The following PCDHGA12 variants were observed in gnomAD, a reference collection of about 807,000 sequenced individuals.
The protein encoded by PCDHGA12 is protocadherin gamma-A12.
In PCDHGA12, 43 loss-of-function variants were observed where a neutral mutation model predicts 61.1. The observed-to-expected ratio is 0.70, with a 90% CI of 0.55 to 0.91. The LOEUF is 0.91. Ranked by LOEUF, PCDHGA12 falls within the 40% of genes least tolerant of loss-of-function variation. The pLI is 0.00. For missense variants in PCDHGA12, 1,236 were observed against 1,227.7 expected, an observed-to-expected ratio of 1.01 and a Z score of -0.10; for synonymous variants, 520 against 542.9, an observed-to-expected ratio of 0.96 and a Z score of 0.59.
At position 141,489,774 on chromosome 5, in the gene PCDHGA12, C is replaced by T; in HGVS notation, c.2425-5033C>T. The T allele has an allele frequency of 1.2e-6, 2 of 1,614,164 alleles. No homozygotes were observed. Among genetic ancestry groups the T allele is most frequent in the Non-Finnish European group, 8.5e-7 (1 of 1,179,998 alleles). On this transcript the variant is annotated intron_variant, in intron 1 of 3. Transcript: ENST00000252085. The surrounding 1 kb of genome is among the most constrained non-coding windows in gnomAD (Gnocchi z 4.5). The stretch of plus-strand genomic sequence containing the variant: ...ACACTCTAAGCCCCAACAGCCACTT[C>T]TCTCTGAATGTGAAGACCCTAAAAG...
In PCDHGA12 at chr5:141,477,868, C is replaced by A; in HGVS notation, c.2425-16939C>A. The A allele has an allele frequency of 6.2e-7, 1 of 1,613,750 alleles. No homozygotes were observed. Among genetic ancestry groups the A allele is most frequent in the Non-Finnish European group, 8.5e-7 (1 of 1,179,908 alleles). ...CGGTGGAGATGCTGCCTCGAGGTAC[C>A]TCAGCTGGCCACCTAGTGTCACGGG... On this transcript the variant is annotated intron_variant, in intron 1 of 3. Coordinates refer to ENST00000252085, the MANE Select transcript of PCDHGA12 (RefSeq NM_003735.3). The surrounding 1 kb of genome is among the most constrained non-coding windows in gnomAD (Gnocchi z 4.9).
chr5:141,506,435 G>T (rs1470687416), intron 3 of PCDHGA12, among the ~76,000 whole-genome samples: 1 of 126,234 alleles, frequency 7.9e-6, no homozygotes, highest in Non-Finnish European at 1.6e-5. Context: ...CAACAGTCTC[G>T]CTCTGTCTCA....
intron 1 of PCDHGA12, among the ~76,000 whole-genome samples, chr5:141,456,381 G>T (rs1296419395): frequency 6.6e-6 from 1 of 152,110 alleles, no homozygotes; most frequent in Admixed American, 6.6e-5. Context: ...TTACAGCACC[G>T]TTTGGAGTTT....
chr5:141,477,710 GA>G lies in PCDHGA12; in HGVS notation c.2425-17095del. ...GCCCCTAGACTATGAGGATCGGCGG[GA>G]ATTTGAATTAACAGCTCATATCAGC... On this transcript the variant is annotated intron_variant, in intron 1 of 3. Coordinates refer to ENST00000252085, the MANE Select transcript of PCDHGA12 (RefSeq NM_003735.3). This position sits in a 1 kb window ranked among gnomAD's most constrained non-coding sequence, Gnocchi z 4.9. 2 of 1,613,918 alleles carry G rather than the reference GA, an allele frequency of 1.2e-6. No individual in the cohort carries two copies. Among genetic ancestry groups the G allele is most frequent in the Non-Finnish European group, 1.7e-6 (2 of 1,180,044 alleles).
At chr5:141,500,223 T>TATTG (rs1554186512) in intron 2 of PCDHGA12, among the ~76,000 whole-genome samples, 5 of 145,410 alleles carry the variant, frequency 3.4e-5, no homozygotes, top group African/African-American at 5.2e-5. Context: ...TTTATTTATT[T>TATTG]ATTGATACGT....
intron 1 of PCDHGA12, among the ~76,000 whole-genome samples, chr5:141,454,924 C>T (rs1252057038): frequency 6.7e-6 from 1 of 149,858 alleles, no homozygotes; most frequent in Non-Finnish European, 1.5e-5. Context: ...TCTCCTGCCT[C>T]AGCCTCCCGA....
intron 1 of PCDHGA12, among the ~76,000 whole-genome samples, chr5:141,446,882 G>A (rs1419213225): frequency 1.3e-5 from 2 of 152,086 alleles, no homozygotes; most frequent in African/African-American, 4.8e-5. Flanking sequence ...TATGTTTTGG[G>A]GTTCATGGCT....
chr5:141,462,007 G>C (rs2099028604), intron 1 of PCDHGA12, among the ~76,000 whole-genome samples: 1 of 152,188 alleles, frequency 6.6e-6, no homozygotes, highest in South Asian at 2.1e-4. Context: ...ATTTTTAATA[G>C]AGACGGGGTT....
chr5:141,430,952 C>T lies in PCDHGA12; in HGVS notation c.193C>T (p.Arg65Cys). ...CCGGGAGCTCGCGGAGCGCGGAGTC[C>T]GCATCATCCCCAGAGGTAGGACGCA... ...EPRELAERGV[R>C]IIPRGRTQLF... The change falls in exon 1 of 4, where the codon CGC (arginine) becomes TGC (cysteine). Residue 65 changes from arginine (R) to cysteine (C), a missense_variant. Arg to Cys is a radical substitution (Grantham distance 180). Coordinates refer to ENST00000252085, the MANE Select transcript of PCDHGA12 (RefSeq NM_003735.3). 1.2e-6 allele frequency: 2 copies of T among 1,610,382 alleles called. No homozygotes were observed. The highest frequency in any genetic ancestry group is 1.7e-6 in the Non-Finnish European group (2 of 1,178,566).
rs2099404773 is a variant in PCDHGA12 at position 141,477,081 on chromosome 5, T to C, written c.2425-17726T>C. ...GACACCAAACTCCATGAGATTTACA[T>C]CCAGGCCAAAGACAAGGGCGCCAAT... On this transcript the variant is annotated intron_variant, in intron 1 of 3. Transcript: ENST00000252085. The surrounding 1 kb of genome is among the most constrained non-coding windows in gnomAD (Gnocchi z 4.9). 6.2e-7 allele frequency: 1 copy of C among 1,614,104 alleles called. No individual in the cohort carries two copies. Among genetic ancestry groups the C allele is most frequent in the Non-Finnish European group, 8.5e-7 (1 of 1,180,052 alleles).
At chr5:141,445,751 G>A (rs1211416281) in intron 1 of PCDHGA12, among the ~76,000 whole-genome samples, 1 of 152,102 alleles carries the variant, frequency 6.6e-6, no homozygotes, top group East Asian at 1.9e-4. Context: ...AAAAATAAAA[G>A]GTGTGACTCA....
chr5:141,432,560 A>C lies in PCDHGA12; in HGVS notation c.1801A>C (p.Asn601His). The C allele has an allele frequency of 2.5e-6, 4 of 1,613,600 alleles. No individual in the cohort carries two copies. Among genetic ancestry groups the C allele is most frequent in the Non-Finnish European group, 3.4e-6 (4 of 1,179,962 alleles). ...VVAVDRDSGQ[N>H]AWLSYRLLKA... ...GGCGGTGGACAGAGACTCCGGCCAG[A>C]ACGCCTGGCTGTCCTACCGTCTGCT... Residue 601 changes from asparagine (N) to histidine (H), a missense_variant, in exon 1 of 4, where the codon AAC (asparagine) becomes CAC (histidine). Physicochemically the swap from Asn to His is moderately conservative, Grantham distance 68 (BLOSUM62 1). Transcript: ENST00000252085. The surrounding 1 kb of genome is among the most constrained non-coding windows in gnomAD (Gnocchi z 6.0).
chr5:141,438,635 T>C (rs1325567714), intron 1 of PCDHGA12, among the ~76,000 whole-genome samples: 9 of 33,420 alleles, frequency 2.7e-4, no homozygotes, highest in East Asian at 1.8e-3. Flanking sequence ...TATATATATA[T>C]ACACACACAC....
chr5:141,486,011 T>C lies in PCDHGA12; in HGVS notation c.2425-8796T>C. The C allele has an allele frequency of 6.2e-7, 1 of 1,614,188 alleles. No individual in the cohort carries two copies. Among genetic ancestry groups the C allele is most frequent in the Non-Finnish European group, 8.5e-7 (1 of 1,180,014 alleles). ...GGGTCCCAGTGGTAACGTCACCTTTTATTTCAGTGGTCATACCCCTGATCG... is the reference window on the plus strand; with the variant it reads ...GGGTCCCAGTGGTAACGTCACCTTTCATTTCAGTGGTCATACCCCTGATCG... On this transcript the variant is annotated intron_variant, in intron 1 of 3. Coordinates refer to ENST00000252085, the MANE Select transcript of PCDHGA12 (RefSeq NM_003735.3). This position sits in a 1 kb window ranked among gnomAD's most constrained non-coding sequence, Gnocchi z 5.0.
rs1387152450 is a variant in PCDHGA12 at position 141,487,754 on chromosome 5, G to A, written c.2425-7053G>A. The A allele has an allele frequency of 1.3e-6, 2 of 1,552,036 alleles. No individual in the cohort carries two copies. Among genetic ancestry groups the A allele is most frequent in the Admixed American group, 3.9e-5 (2 of 50,970 alleles). ...CATTTTTGTAAGAGGTAACTATGTG[G>A]TAGACGCTGTGCTTTGTAACTGTTT... On this transcript the variant is annotated intron_variant, in intron 1 of 3. Transcript: ENST00000252085. This position sits in a 1 kb window ranked among gnomAD's most constrained non-coding sequence, Gnocchi z 5.0.
Position 141,476,075 on chromosome 5 carries a change from G to T in PCDHGA12, c.2425-18732G>T. ...TGAAAGTTTCTCAGCGAAATCTCAG[G>T]GACGATCTGGACCCCGCTGAGAGGA... On this transcript the variant is annotated intron_variant, in intron 1 of 3. Coordinates refer to ENST00000252085, the MANE Select transcript of PCDHGA12 (RefSeq NM_003735.3). This position sits in a 1 kb window ranked among gnomAD's most constrained non-coding sequence, Gnocchi z 7.6. The T allele has an allele frequency of 6.6e-7, 1 of 1,526,282 alleles. No homozygotes were observed. The highest frequency in any genetic ancestry group is 1.3e-5 in the South Asian group (1 of 78,462). The allele number at this position is 1,526,282 out of a possible 1,614,324, so 94.5% of individuals were successfully genotyped here.
Position 141,486,230 on chromosome 5 carries a change from A to C in PCDHGA12, c.2425-8577A>C. On this transcript the variant is annotated intron_variant, in intron 1 of 3. Coordinates refer to ENST00000252085, the MANE Select transcript of PCDHGA12 (RefSeq NM_003735.3). The surrounding 1 kb of genome is among the most constrained non-coding windows in gnomAD (Gnocchi z 5.0). ...TGACAATGCCCCTTACATCACAGTGACCTCAGAGCTTGGAACCCTCCCCGA... is the reference window on the plus strand; with the variant it reads ...TGACAATGCCCCTTACATCACAGTGCCCTCAGAGCTTGGAACCCTCCCCGA... The C allele has an allele frequency of 6.2e-7, 1 of 1,614,016 alleles. No individual in the cohort carries two copies. Among genetic ancestry groups the C allele is most frequent in the Non-Finnish European group, 8.5e-7 (1 of 1,179,964 alleles).
intron 1 of PCDHGA12, among the ~76,000 whole-genome samples, chr5:141,466,063 A>G (rs554503713): frequency 3.3e-5 from 5 of 152,268 alleles, no homozygotes; most frequent in Admixed American, 6.5e-5. Context: ...CGGAGCTTGC[A>G]GTGAGCTGAT....
At chr5:141,452,065 T>A (rs185791618) in intron 1 of PCDHGA12, among the ~76,000 whole-genome samples, 1 of 152,332 alleles carries the variant, frequency 6.6e-6, no homozygotes, top group Non-Finnish European at 1.5e-5. Flanking sequence ...TTATTCTACT[T>A]TTATTAGTTG....
Sources: allele counts gnomAD v4.1 joint callset (sites outside exome capture counted in the v4.1 genomes callset), GRCh38; gene constraint gnomAD v4.1.1; non-coding constraint Gnocchi (gnomAD v3.1); transcripts MANE v1.5; gene names NCBI Gene and HGNC (gene_info 2026-07-23, HGNC 2026-07-21).